The following ACSBG1 variants were observed in gnomAD, a reference collection of about 807,000 sequenced individuals.
The protein encoded by ACSBG1 is long-chain-fatty-acid--CoA ligase ACSBG1.
In ACSBG1, 39 loss-of-function variants were observed where a neutral mutation model predicts 80.2. That is an observed-to-expected ratio of 0.49 (90% CI 0.38 to 0.64). The LOEUF is 0.64. ACSBG1 is among the 30% of genes least tolerant of loss of function. The pLI, the probability that ACSBG1 is intolerant of heterozygous loss-of-function variation, is 0.00. For synonymous variants in ACSBG1, 392 were observed against 379.5 expected, an observed-to-expected ratio of 1.03 and a Z score of -0.38; for missense variants, 828 against 966.4, an observed-to-expected ratio of 0.86 and a Z score of 1.90.
rs753093569 is a variant in ACSBG1 at position 78,178,731 on chromosome 15, A to C, written c.1585T>G (p.Tyr529Asp). The C allele has an allele frequency of 1.2e-5, 20 of 1,614,170 alleles. No individual in the cohort carries two copies. Among genetic ancestry groups the C allele is most frequent in the Non-Finnish European group, 1.5e-5 (18 of 1,180,020 alleles). ...CLWGRTIFMGYLNMEDKTCEA... is the reference protein window; with the variant it reads ...CLWGRTIFMGDLNMEDKTCEA... ...CAAGTCTTGTCCTCCATGTTCAGGT[A>C]GCCCATGAATATGGTGCGGCCCCAC... Residue 529 changes from tyrosine (Y) to aspartate (D), a missense_variant, in exon 11 of 14, where the codon TAC becomes GAC. Physicochemically the swap from Tyr to Asp is radical, Grantham distance 160. Coordinates refer to ENST00000258873, the MANE Select transcript of ACSBG1 (RefSeq NM_015162.5). The surrounding 1 kb of genome is among the most constrained non-coding windows in gnomAD (Gnocchi z 4.3).
Position 78,191,755 on chromosome 15 carries a change from G to C in ACSBG1, c.663+1751C>G, listed in dbSNP as rs2075058748. Among the ~76,000 whole-genome samples the C allele has an allele frequency of 2.0e-5, 3 of 152,220 alleles. No individual in the cohort carries two copies. The South Asian group carries it at 6.2e-4, about 31-fold the overall frequency. On this transcript the variant is annotated intron_variant, in intron 5 of 13. Transcript: ENST00000258873. ...ATGAAGAAGCCCAACATAACTGAAA[G>C]TAGTACCACCTGCCATCATGTGCCT...
At position 78,182,475 on chromosome 15, in the gene ACSBG1, A is replaced by G; in HGVS notation, c.885T>C (p.Ser295=). The change falls in exon 7 of 14, where the codon AGT becomes AGC. Residue 295 remains serine, a synonymous_variant. Coordinates refer to ENST00000258873, the MANE Select transcript of ACSBG1 (RefSeq NM_015162.5). ...CGGGCATCTGTCCTACATTGTCTTG[A>G]CTCAGCATCACGCCCTTGGGGTTCC... is the stretch of plus-strand genomic sequence containing the variant. ...TTGNPKGVML[S]QDNITWTARY... The G allele has an allele frequency of 6.2e-7, 1 of 1,613,618 alleles. No individual in the cohort carries two copies. Among genetic ancestry groups the G allele is most frequent in the Non-Finnish European group, 8.5e-7 (1 of 1,179,846 alleles).
At position 78,194,542 on chromosome 15, in the gene ACSBG1, G is replaced by A. The variant is rs748761669; in HGVS notation, c.417C>T (p.Tyr139=). Residue 139 remains tyrosine (Y), a synonymous_variant, in exon 3 of 14, where the codon TAC becomes TAT. Transcript: ENST00000258873. ...CCTTGGCGGCTCTGCGGGCGAGCAG[G>A]TAGTATTGGGAGTAGGAGATGTGTT... ...KWEHISYSQY[Y]LLARRAAKGF... is the part of the protein sequence containing the mutation. 47 of 1,614,154 alleles carry A rather than the reference G, an allele frequency of 2.9e-5. No individual in the cohort carries two copies. Among genetic ancestry groups the A allele is most frequent in the Non-Finnish European group, 3.9e-5 (46 of 1,180,052 alleles).
intron 1 of ACSBG1, among the ~76,000 whole-genome samples, chr15:78,224,700 G>T (rs549975545): frequency 1.3e-5 from 2 of 151,132 alleles, no homozygotes; most frequent in East Asian, 3.9e-4. Flanking sequence ...CAGCCTGGGC[G>T]ACAGAGCGAG....
In ACSBG1 at chr15:78,178,604, G is replaced by A. The variant is rs1200852095; in HGVS notation, c.1702+10C>T. On this transcript the variant is annotated intron_variant, in intron 11 of 13. Coordinates refer to ENST00000258873, the MANE Select transcript of ACSBG1 (RefSeq NM_015162.5). This position sits in a 1 kb window ranked among gnomAD's most constrained non-coding sequence, Gnocchi z 4.3. Reference sequence around the variant, plus strand: ...GGCATGAGCCACCGTGCCTGGCCTGGGGTGCTCACCTTTGAGGCGCCCAGT... The same window carrying A: ...GGCATGAGCCACCGTGCCTGGCCTGAGGTGCTCACCTTTGAGGCGCCCAGT... 6.2e-7 allele frequency: 1 copy of A among 1,601,414 alleles called. No individual in the cohort carries two copies.
intron 2 of ACSBG1, among the ~76,000 whole-genome samples, chr15:78,195,425 C>T (rs993788042): frequency 6.6e-6 from 1 of 151,892 alleles, no homozygotes; most frequent in Non-Finnish European, 1.5e-5. Flanking sequence ...CCTGATTCCA[C>T]AGCTCACACT....
At position 78,168,712 on chromosome 15, in the gene ACSBG1, A is replaced by G. The variant is rs2074780720; in HGVS notation, c.*2732T>C. 2.6e-6 allele frequency: 1 copy of G among 389,828 alleles called. No homozygotes were observed. The highest frequency in any genetic ancestry group is 4.6e-6 in the Non-Finnish European group (1 of 215,258). The allele number at this position is 389,828 out of a possible 1,614,324, so 24.1% of individuals were successfully genotyped here. On this transcript the variant is annotated 3_prime_UTR_variant, in exon 14 of 14. Coordinates refer to ENST00000258873, the MANE Select transcript of ACSBG1 (RefSeq NM_015162.5). ...ATCAAGAGCACCTTATTCTTTGCAG[A>G]GTGCTGTTGTATACACTATGAGATT...
Position 78,170,641 on chromosome 15 carries a change from G to A in ACSBG1, c.*803C>T, listed in dbSNP as rs1267635858. 6.6e-6 allele frequency: 1 copy of A among 152,236 alleles called. No individual in the cohort carries two copies. 9.4% of individuals were successfully genotyped at this position (152,236 alleles called of 1,614,324 possible). A position where few individuals can be genotyped will look rare whatever the true frequency, so the allele number is the denominator to read the frequency against. On this transcript the variant is annotated 3_prime_UTR_variant, in exon 14 of 14. Transcript: ENST00000258873. ...GCTGCTTCCCGTATTCAGAATGGAA[G>A]TGGGGTGGTCTGGTGGCGACAGGCT...
intron 12 of ACSBG1, 150 bp from the exon 13 acceptor site, chr15:78,173,989 T>C: frequency 1.0e-6 from 1 of 980,758 alleles, no homozygotes; most frequent in South Asian, 1.7e-5. Context: ...GCTGCTACTG[T>C]GTTGAGCCTC....
chr15:78,191,055 TAAAAG>T (rs754657852), intron 5 of ACSBG1, among the ~76,000 whole-genome samples: 3 of 152,096 alleles, frequency 2.0e-5, no homozygotes, highest in Non-Finnish European at 1.5e-5. Flanking sequence ...AGGTTAAAAT[TAAAAG>T]AACACAAAAA....
intron 2 of ACSBG1, among the ~76,000 whole-genome samples, chr15:78,202,616 GT>G (rs2075179253): frequency 6.6e-6 from 1 of 152,018 alleles, no homozygotes; most frequent in African/African-American, 2.4e-5. Context: ...CTCTCCCTAG[GT>G]TTCTCCTAAA....
chr15:78,194,747 C>G, intron 2 of ACSBG1, 21 bp from the exon 3 acceptor site: 4 of 1,606,648 alleles, frequency 2.5e-6, no homozygotes, highest in Non-Finnish European at 3.4e-6. Context: ...GGGGAGACCA[C>G]AGCTTGGATC....
At chr15:78,215,778 GAA>G (rs1235597417) in intron 1 of ACSBG1, among the ~76,000 whole-genome samples, 32 of 149,534 alleles carry the variant, frequency 2.1e-4, no homozygotes, top group African/African-American at 6.0e-4. Flanking sequence ...AAGAAAGAAA[GAA>G]AGAAAGAGAA....
intron 1 of ACSBG1, among the ~76,000 whole-genome samples, chr15:78,215,746 GAAAGAAAGAAAGAAAGA>G (rs2075304653): frequency 1.4e-5 from 2 of 145,198 alleles, no homozygotes; most frequent in African/African-American, 2.6e-5. Context: ...AAGAAAGAAA[GAAAGAAAGAAAGAAAGA>G]AAGAAAGAAA....
rs1214055851 is a variant in ACSBG1 at position 78,172,504 on chromosome 15, G to T, written c.2090-975C>A. On this transcript the variant is annotated intron_variant, in intron 13 of 13. Coordinates refer to ENST00000258873, the MANE Select transcript of ACSBG1 (RefSeq NM_015162.5). This position sits in a 1 kb window ranked among gnomAD's most constrained non-coding sequence, Gnocchi z 4.1. ...AAGTTTGAAAGAGCTCTGATTTGAG[G>T]TCCTGGGTAGCTTAAAGTGCCTAAC... 6.6e-6 allele frequency among the ~76,000 whole-genome samples: 1 copy of T among 152,124 alleles called. No homozygotes were observed. Among genetic ancestry groups the T allele is most frequent in the Non-Finnish European group, 1.5e-5 (1 of 68,028 alleles).
intron 8 of ACSBG1, among the ~76,000 whole-genome samples, chr15:78,181,619 T>A (rs892177659): frequency 6.8e-6 from 1 of 147,846 alleles, no homozygotes; most frequent in Non-Finnish European, 1.5e-5. Flanking sequence ...TCAGCCTCCC[T>A]AGTAGCTGGG....
intron 1 of ACSBG1, among the ~76,000 whole-genome samples, chr15:78,219,673 T>C (rs1567098342): frequency 8.8e-6 from 1 of 113,320 alleles, no homozygotes. Flanking sequence ...AAGCTAGTCC[T>C]AAAATTTGTA....
At chr15:78,208,613 C>T (rs1290728652) in intron 1 of ACSBG1, among the ~76,000 whole-genome samples, 2 of 149,144 alleles carry the variant, frequency 1.3e-5, no homozygotes, top group African/African-American at 4.8e-5. Flanking sequence ...CCTATTCCGG[C>T]CCCCCAGTGA....
chr15:78,195,034 T>A (rs2075100580), intron 2 of ACSBG1, among the ~76,000 whole-genome samples: 1 of 152,220 alleles, frequency 6.6e-6, no homozygotes, highest in African/African-American at 2.4e-5. Flanking sequence ...GGAATTTGCC[T>A]CCCAAGGTTG....
Sources: allele counts gnomAD v4.1 joint callset (sites outside exome capture counted in the v4.1 genomes callset), GRCh38; gene constraint gnomAD v4.1.1; non-coding constraint Gnocchi (gnomAD v3.1); transcripts MANE v1.5; gene names NCBI Gene and HGNC (gene_info 2026-07-23, HGNC 2026-07-21).